ZNF25: variants seen among roughly 807,000 people sequenced by gnomAD.
ZNF25 encodes the protein zinc finger protein 25, also known as zinc finger protein 25 (KOX 19).
Under a neutral mutation model 30.9 loss-of-function variants are expected in ZNF25, and 21 were observed. The ratio of observed to expected loss-of-function variants is 0.68; its 90% CI spans 0.48 to 0.98. The LOEUF (loss-of-function observed/expected upper bound fraction) is 0.98, where lower values mean the gene tolerates loss of function less well. Among genes scored for constraint, ZNF25 ranks in the 50% least tolerant of loss-of-function variants. The pLI is 0.00. For missense variants in ZNF25, 501 were observed against 529.9 expected (o/e 0.95, Z 0.54); for synonymous variants, 169 against 181.3 (o/e 0.93, Z 0.55).
At chr10:37,954,486 A>G (rs763649976) in intron 4 of ZNF25, among the ~76,000 whole-genome samples, 1 of 152,176 alleles carries the variant, frequency 6.6e-6, no homozygotes, top group Non-Finnish European at 1.5e-5. Flanking sequence ...GGGATAAGCC[A>G]TCTATACAAG....
chr10:37,964,311 A>G (rs758129059), intron 2 of ZNF25, among the ~76,000 whole-genome samples: 5 of 152,210 alleles, frequency 3.3e-5, no homozygotes, highest in Non-Finnish European at 5.9e-5. Flanking sequence ...TTTGGAACTG[A>G]GTAACAAGCA....
Position 37,951,187 on chromosome 10 carries a change from A to C in ZNF25, c.*940T>G, listed in dbSNP as rs1054927029. ...AAAGATGCCTTATAATTTAAAAGGAATATTACACTTACAATACAAATATTA... is the reference window on the plus strand; with the variant it reads ...AAAGATGCCTTATAATTTAAAAGGACTATTACACTTACAATACAAATATTA... On this transcript the variant is annotated 3_prime_UTR_variant, in exon 6 of 6. Coordinates refer to ENST00000302609, the MANE Select transcript of ZNF25 (RefSeq NM_145011.4). The C allele has an allele frequency of 7.2e-5, 11 of 152,230 alleles. No homozygotes were observed. The highest frequency in any genetic ancestry group is 2.7e-4 in the African/African-American group (11 of 41,466). 9.4% of individuals were successfully genotyped at this position (152,230 alleles called of 1,614,324 possible).
intron 2 of ZNF25, among the ~76,000 whole-genome samples, chr10:37,964,897 C>T (rs984767680): frequency 6.6e-6 from 1 of 152,146 alleles, no homozygotes. Flanking sequence ...ACTCTGCCTT[C>T]CATCACAGGC....
At chr10:37,973,469 A>T (rs2063610863) in intron 1 of ZNF25, among the ~76,000 whole-genome samples, 2 of 151,492 alleles carry the variant, frequency 1.3e-5, no homozygotes, top group South Asian at 4.2e-4. Flanking sequence ...TACAAAAAAA[A>T]TTACACAGGT....
At chr10:37,968,054 G>A (rs1348353949) in intron 2 of ZNF25, 1 of 152,176 alleles carries the variant, frequency 6.6e-6, no homozygotes, top group Non-Finnish European at 1.5e-5. Flanking sequence ...CACACAGTCT[G>A]GAAAATATTT....
intron 2 of ZNF25, among the ~76,000 whole-genome samples, chr10:37,970,903 A>G (rs929711844): frequency 1.3e-5 from 2 of 152,022 alleles, no homozygotes; most frequent in African/African-American, 4.8e-5. Context: ...TCAACCTATA[A>G]CTCATTCCTC....
chr10:37,966,296 C>T (rs2063180962), intron 2 of ZNF25, among the ~76,000 whole-genome samples: 1 of 151,984 alleles, frequency 6.6e-6, no homozygotes. Flanking sequence ...CACCTATAAT[C>T]CCAGCTACTT....
At position 37,951,360 on chromosome 10, in the gene ZNF25, C is replaced by G. The variant is rs531966328; in HGVS notation, c.*767G>C. 2.6e-5 allele frequency: 4 copies of G among 152,618 alleles called. No homozygotes were observed. In the East Asian group the frequency reaches 7.7e-4, roughly 29 times the overall value. 9.5% of individuals were successfully genotyped at this position (152,618 alleles called of 1,614,324 possible). On this transcript the variant is annotated 3_prime_UTR_variant, in exon 6 of 6. Coordinates refer to ENST00000302609, the MANE Select transcript of ZNF25 (RefSeq NM_145011.4). The stretch of plus-strand genomic sequence containing the variant: ...TCCGCAAGTTACATGTTATAGCACA[C>G]TCACATACGCACAAAATCCTATATG...
intron 4 of ZNF25, among the ~76,000 whole-genome samples, chr10:37,955,677 T>TATATATATATAA (rs1485428786): frequency 3.9e-5 from 6 of 152,124 alleles, no homozygotes; most frequent in Non-Finnish European, 8.8e-5. Context: ...ATTTTATATA[T>TATATATATATAA]TTATTATTTC....
chr10:37,976,454 C>T (rs988603939), intron 1 of ZNF25, 52 bp downstream of exon 1: 2 of 152,250 alleles, frequency 1.3e-5, no homozygotes, highest in African/African-American at 4.8e-5. Flanking sequence ...GGCTTCCAGG[C>T]TCGAGACCCC....
intron 2 of ZNF25, among the ~76,000 whole-genome samples, chr10:37,962,326 CG>C (rs1169573039): frequency 6.6e-6 from 1 of 150,964 alleles, no homozygotes; most frequent in Non-Finnish European, 1.5e-5. Flanking sequence ...AAATTTAAAA[CG>C]GACTGCTTAC....
rs2062107893 is a variant in ZNF25, at chr10:37,950,921, C to T, written c.*1206G>A. 6.6e-6 allele frequency: 1 copy of T among 152,142 alleles called. No homozygotes were observed. Among genetic ancestry groups the T allele is most frequent in the Non-Finnish European group, 1.5e-5 (1 of 68,030 alleles). 9.4% of individuals were successfully genotyped at this position (152,142 alleles called of 1,614,324 possible). A position where few individuals can be genotyped will look rare whatever the true frequency, so the allele number is the denominator to read the frequency against. On this transcript the variant is annotated 3_prime_UTR_variant, in exon 6 of 6. Transcript: ENST00000302609. ...CAGATAGCTCTGCTCCCTGCTCACA[C>T]ATCAACAGTAAGATACATAATATTT...
At chr10:37,956,401 G>T (rs1368475979) in intron 4 of ZNF25, among the ~76,000 whole-genome samples, 2 of 152,134 alleles carry the variant, frequency 1.3e-5, no homozygotes, top group African/African-American at 4.8e-5. Context: ...TACTCTAATG[G>T]CAGGGAGTAA....
chr10:37,969,717 A>G lies in ZNF25; in HGVS notation c.15+1991T>C, dbSNP rs535249030. ...TGGTGTTACACAATACTGTGAATGT[A>G]CTAAATATTAATACCTTACAATTGT... On this transcript the variant is annotated intron_variant, in intron 2 of 5. Coordinates refer to ENST00000302609, the MANE Select transcript of ZNF25 (RefSeq NM_145011.4). Among the ~76,000 whole-genome samples, 26 of 152,354 alleles carry G rather than the reference A, an allele frequency of 1.7e-4. No homozygotes were observed. In the East Asian group the frequency reaches 5.0e-3, roughly 29 times the overall value.
At chr10:37,973,061 G>A (rs1305134817) in intron 1 of ZNF25, among the ~76,000 whole-genome samples, 1 of 151,990 alleles carries the variant, frequency 6.6e-6, no homozygotes, top group Non-Finnish European at 1.5e-5. Flanking sequence ...CCAGCTACTC[G>A]GGAGGCTGAG....
intron 2 of ZNF25, among the ~76,000 whole-genome samples, chr10:37,958,292 AACTG>A (rs1452991003): frequency 6.6e-6 from 1 of 152,218 alleles, no homozygotes; most frequent in African/African-American, 2.4e-5. Context: ...TAGGTGGTCA[AACTG>A]ACTAACTTTA....
chr10:37,972,530 G>A (rs942301577), intron 1 of ZNF25, among the ~76,000 whole-genome samples: 2 of 152,132 alleles, frequency 1.3e-5, no homozygotes, highest in African/African-American at 4.8e-5. Context: ...AACTTGGGCT[G>A]GGCCTAAGGT....
In ZNF25 at chr10:37,976,600, C is replaced by T. The variant is rs2063839442; in HGVS notation, c.-180G>A. The T allele has an allele frequency of 6.5e-6, 1 of 152,684 alleles. No homozygotes were observed. Among genetic ancestry groups the T allele is most frequent in the African/African-American group, 2.4e-5 (1 of 41,486 alleles). The allele number at this position is 152,684 out of a possible 1,614,324, so 9.5% of individuals were successfully genotyped here. A position where few individuals can be genotyped will look rare whatever the true frequency, so the allele number is the denominator to read the frequency against. ...ACCCGGAGGCACCGGAGTCCTCTCC[C>T]CACCCTAGGGCGTAAGACCAAAAAA... On this transcript the variant is annotated 5_prime_UTR_variant, in exon 1 of 6. Coordinates refer to ENST00000302609, the MANE Select transcript of ZNF25 (RefSeq NM_145011.4).
At position 37,953,071 on chromosome 10, in the gene ZNF25, C is replaced by T. The variant is rs1215200751; in HGVS notation, c.427G>A (p.Gly143Ser). 2 of 1,613,720 alleles carry T rather than the reference C, an allele frequency of 1.2e-6. No homozygotes were observed. Among genetic ancestry groups the T allele is most frequent in the Non-Finnish European group, 1.7e-6 (2 of 1,179,936 alleles). ...LIVHQHTHSK[G>S]KSYDCDKCGK... Reference sequence around the variant, plus strand: ...CATTTATCACAGTCATAGGATTTGCCCTTTGAGTGAGTATGCTGATGTACT... The same window carrying T: ...CATTTATCACAGTCATAGGATTTGCTCTTTGAGTGAGTATGCTGATGTACT... Residue 143 changes from glycine to serine, a missense_variant, in exon 6 of 6, where the codon GGC (glycine) becomes AGC (serine). Coordinates refer to ENST00000302609, the MANE Select transcript of ZNF25 (RefSeq NM_145011.4).
Sources: gnomAD v4.1 joint callset for allele counts (sites outside exome capture counted in the v4.1 genomes callset) on GRCh38, gnomAD v4.1.1 for gene constraint, MANE v1.5 for transcripts, NCBI Gene and HGNC (gene_info 2026-07-23, HGNC 2026-07-21) for gene names.